Variants in TGFBR1 observed in about 807,000 individuals in gnomAD.
TGFBR1 encodes the protein TGF-beta receptor type-1.
Under a neutral mutation model 55.1 loss-of-function variants are expected in TGFBR1, and 20 were observed. That is an observed-to-expected ratio of 0.36 (90% CI 0.26 to 0.53). The LOEUF (loss-of-function observed/expected upper bound fraction) is 0.53. Among genes scored for constraint, TGFBR1 ranks in the 20% least tolerant of loss-of-function variants. The pLI, the probability that TGFBR1 is intolerant of heterozygous loss-of-function variation, is 0.91. For synonymous variants in TGFBR1, 220 were observed against 214.8 expected, an observed-to-expected ratio of 1.02 and a Z score of -0.21; for missense variants, 385 against 617.6, an observed-to-expected ratio of 0.62 and a Z score of 3.99.
rs1826971118 is a variant in TGFBR1, at chr9:99,124,208, CTT to C, written c.98-4645_98-4644del. ...CTTCTACCGCAGCAGAGTAGAAACA[CTT>C]TGATCATTCTTCTCAGGACTCAGGA... is the stretch of plus-strand genomic sequence containing the variant. On this transcript the variant is annotated intron_variant, in intron 1 of 8. Transcript: ENST00000374994. Among the ~76,000 whole-genome samples the C allele has an allele frequency of 9.9e-5, 15 of 152,266 alleles. No individual in the cohort carries two copies. The South Asian group carries it at 3.1e-3, about 32-fold the overall frequency.
rs1183429803 is a variant in TGFBR1 at position 99,152,677 on chromosome 9, G to A, written c.*3372G>A. ...TATTCTTGCACTGGAAGAATCGTAA[G>A]TCAACTGTTTCTTGACCATGGCAGT... On this transcript the variant is annotated 3_prime_UTR_variant, in exon 9 of 9. Coordinates refer to ENST00000374994, the MANE Select transcript of TGFBR1 (RefSeq NM_004612.4). The A allele has an allele frequency of 1.3e-5, 3 of 226,772 alleles. No homozygotes were observed. The highest frequency in any genetic ancestry group is 2.2e-5 in the African/African-American group (1 of 44,976). 14.0% of individuals were successfully genotyped at this position (226,772 alleles called of 1,614,324 possible). A position where few individuals can be genotyped will look rare whatever the true frequency, so the allele number is the denominator to read the frequency against.
intron 1 of TGFBR1, among the ~76,000 whole-genome samples, chr9:99,126,395 C>T (rs1827044280): frequency 6.6e-6 from 1 of 152,164 alleles, no homozygotes; most frequent in Non-Finnish European, 1.5e-5. Context: ...ACAGTGTTCT[C>T]CTTCACTTGT....
chr9:99,116,223 A>G (rs760718211), intron 1 of TGFBR1, among the ~76,000 whole-genome samples: 1 of 150,294 alleles, frequency 6.7e-6, no homozygotes, highest in Admixed American at 6.6e-5. Flanking sequence ...GATCTCATCT[A>G]TCATTTAAGT....
chr9:99,130,977 A>G (rs1271803069), intron 2 of TGFBR1, among the ~76,000 whole-genome samples: 2 of 152,232 alleles, frequency 1.3e-5, no homozygotes, highest in Non-Finnish European at 2.9e-5. Flanking sequence ...TACAATTCAG[A>G]GAAAAGACAG....
chr9:99,140,744 T>C (rs1827590214), intron 4 of TGFBR1, among the ~76,000 whole-genome samples: 1 of 152,228 alleles, frequency 6.6e-6, no homozygotes, highest in Non-Finnish European at 1.5e-5. Context: ...GCCACATTCA[T>C]GGTTTCAAAC....
rs10625219 is a variant in TGFBR1 at position 99,134,802 on chromosome 9, TTATATATATATATATATATATATATA to T, written c.574+2089_574+2114del. 2.4e-3 allele frequency among the ~76,000 whole-genome samples: 98 copies of T among 41,370 alleles called. 6 individuals are homozygous for T. The highest frequency in any genetic ancestry group is 0.016 in the Middle Eastern group (1 of 62). The allele number at this position is 41,370 out of a possible 152,430, so 27.1% of individuals were successfully genotyped here. On this transcript the variant is annotated intron_variant, in intron 3 of 8. Coordinates refer to ENST00000374994, the MANE Select transcript of TGFBR1 (RefSeq NM_004612.4). ...AAACAATGGAATAATTCTGTTTCCATTATATATATATATATATATATATATATATATATATATATATATATATATAT... is the reference window on the plus strand; with the variant it reads ...AAACAATGGAATAATTCTGTTTCCATTATATATATATATATATATATATAT...
rs143855089 is a variant in TGFBR1, at chr9:99,123,570, T to C, written c.98-5285T>C. On this transcript the variant is annotated intron_variant, in intron 1 of 8. Coordinates refer to ENST00000374994, the MANE Select transcript of TGFBR1 (RefSeq NM_004612.4). ...TTTCACTCGTGGGCTGGTGATAATATAGTGAGGATTCACATCCGCCTGTAA... is the reference window on the plus strand; with the variant it reads ...TTTCACTCGTGGGCTGGTGATAATACAGTGAGGATTCACATCCGCCTGTAA... 2.3e-4 allele frequency among the ~76,000 whole-genome samples: 35 copies of C among 152,312 alleles called. No homozygotes were observed. In the East Asian group the frequency reaches 6.7e-3, roughly 29 times the overall value.
chr9:99,140,874 C>T (rs1334708372), intron 4 of TGFBR1, among the ~76,000 whole-genome samples: 1 of 152,140 alleles, frequency 6.6e-6, no homozygotes, highest in Non-Finnish European at 1.5e-5. Context: ...AGTCTGTGCC[C>T]TGAACTTCTA....
chr9:99,145,361 G>T (rs982555338), intron 6 of TGFBR1, among the ~76,000 whole-genome samples: 1 of 152,066 alleles, frequency 6.6e-6, no homozygotes, highest in East Asian at 1.9e-4. Context: ...CACCTTTCCC[G>T]TAGGAAGTTT....
upstream of TGFBR1, among the ~76,000 whole-genome samples, chr9:99,104,746 G>C (rs1826347146): frequency 6.6e-6 from 1 of 152,306 alleles, no homozygotes; most frequent in East Asian, 1.9e-4. Context: ...AAAGAGCGTC[G>C]AACGGCCACA....
At chr9:99,112,967 T>G (rs1286190472) in intron 1 of TGFBR1, among the ~76,000 whole-genome samples, 19 of 152,148 alleles carry the variant, frequency 1.2e-4, no homozygotes, top group Admixed American at 1.2e-3. Flanking sequence ...GGTAGGAGGA[T>G]TCTAGTGTCC....
At chr9:99,129,477 G>A (rs538447190) in intron 2 of TGFBR1, among the ~76,000 whole-genome samples, 1 of 152,224 alleles carries the variant, frequency 6.6e-6, no homozygotes, top group Admixed American at 6.5e-5. Context: ...AATGAGTGGG[G>A]ATTCAGAGCA....
At chr9:99,129,234 A>C in intron 2 of TGFBR1, 134 bp downstream of exon 2, 1 of 1,026,580 alleles carries the variant, frequency 9.7e-7, no homozygotes, top group South Asian at 1.4e-5. Flanking sequence ...TGACTTGTCC[A>C]TTGTTACAGA....
chr9:99,133,451 G>A (rs1410883302), intron 3 of TGFBR1, among the ~76,000 whole-genome samples: 1 of 152,172 alleles, frequency 6.6e-6, no homozygotes, highest in Non-Finnish European at 1.5e-5. Context: ...TGTTTAAACT[G>A]AAAGGGGGTT....
At chr9:99,140,308 A>C (rs1317889504) in intron 4 of TGFBR1, among the ~76,000 whole-genome samples, 1 of 152,152 alleles carries the variant, frequency 6.6e-6, no homozygotes, top group African/African-American at 2.4e-5. Flanking sequence ...CAAAAAAATT[A>C]GCCAGGCATG....
intron 3 of TGFBR1, among the ~76,000 whole-genome samples, chr9:99,135,080 A>G (rs555430688): frequency 1.1e-3 from 168 of 152,134 alleles, no homozygotes; most frequent in African/African-American, 3.9e-3. Flanking sequence ...GTTTGCATGA[A>G]AGCACTTGGT....
chr9:99,103,681 A>G (rs1390175178), upstream of TGFBR1, among the ~76,000 whole-genome samples: 1 of 152,186 alleles, frequency 6.6e-6, no homozygotes, highest in East Asian at 1.9e-4. Flanking sequence ...GCTGCGGTGT[A>G]GAGCAAGTTG....
chr9:99,132,884 A>G, intron 3 of TGFBR1, 145 bp downstream of exon 3: 2 of 1,154,794 alleles, frequency 1.7e-6, no homozygotes, highest in Non-Finnish European at 2.4e-6. Flanking sequence ...AAAATCTTTA[A>G]GCTTGATGTA....
Position 99,138,025 on chromosome 9 carries a change from G to A in TGFBR1, c.741G>A (p.Glu247=), listed in dbSNP as rs764165477. The change falls in exon 4 of 9, where the codon GAG becomes GAA. Residue 247 remains glutamate, a synonymous_variant. Transcript: ENST00000374994. ...AACGTTCGTGGTTCCGTGAGGCAGA[G>A]ATTTATCAAACTGTAATGTTACGTC... The part of the protein sequence containing the change: ...REERSWFREA[E]IYQTVMLRHE... 5.6e-6 allele frequency: 9 copies of A among 1,614,062 alleles called. No individual in the cohort carries two copies. Among genetic ancestry groups the A allele is most frequent in the Non-Finnish European group, 7.6e-6 (9 of 1,179,960 alleles).
Sources: gnomAD v4.1 joint callset for allele counts (sites outside exome capture counted in the v4.1 genomes callset) on GRCh38, gnomAD v4.1.1 for gene constraint, MANE v1.5 for transcripts, NCBI Gene and HGNC (gene_info 2026-07-23, HGNC 2026-07-21) for gene names.